Variants in SOX9 observed in about 807,000 individuals in gnomAD.
The protein encoded by SOX9 is transcription factor SOX-9.
SOX9 carries 2 observed loss-of-function variants against 44.8 expected under a neutral mutation model. The observed-to-expected ratio is 0.04, with a 90% CI of 0.02 to 0.14. The LOEUF (loss-of-function observed/expected upper bound fraction) is 0.14. Among genes scored for constraint, SOX9 ranks in the 10% least tolerant of loss-of-function variants. SOX9 has a pLI of 1.00. For missense variants in SOX9, 583 were observed against 728.6 expected (o/e 0.80, Z 2.30); for synonymous variants, 381 against 331.8 (o/e 1.15, Z -1.61).
At position 72,123,267 on chromosome 17, in the gene SOX9, C is replaced by A. The variant is rs1018998420; in HGVS notation, c.686-276C>A. On this transcript the variant is annotated intron_variant, in intron 2 of 2. Transcript: ENST00000245479. This position sits in a 1 kb window ranked among gnomAD's most constrained non-coding sequence, Gnocchi z 6.5. The stretch of plus-strand genomic sequence containing the variant: ...ACCTCTCCCTTCTTCTCTGCTCCCC[C>A]ACCCCAAAAGCACACACAGGGCTCT... Among the ~76,000 whole-genome samples the A allele has an allele frequency of 2.6e-5, 4 of 152,238 alleles. No homozygotes were observed. Among genetic ancestry groups the A allele is most frequent in the African/African-American group, 9.6e-5 (4 of 41,466 alleles).
Position 72,124,475 on chromosome 17 carries a change from A to G in SOX9, c.*88A>G, listed in dbSNP as rs1036728459. On this transcript the variant is annotated 3_prime_UTR_variant, in exon 3 of 3. Coordinates refer to ENST00000245479, the MANE Select transcript of SOX9 (RefSeq NM_000346.4). The surrounding 1 kb of genome is among the most constrained non-coding windows in gnomAD (Gnocchi z 4.6). Reference sequence around the variant, plus strand: ...GGACCAACCAGAATTCCCTTTGGACATTTGTGTTTTTTTGTTTTTTTATTT... The same window carrying G: ...GGACCAACCAGAATTCCCTTTGGACGTTTGTGTTTTTTTGTTTTTTTATTT... 1 of 1,474,066 alleles carries G rather than the reference A, an allele frequency of 6.8e-7. No individual in the cohort carries two copies. The highest frequency in any genetic ancestry group is 9.4e-7 in the Non-Finnish European group (1 of 1,067,320). The allele number at this position is 1,474,066 out of a possible 1,614,324, so 91.3% of individuals were successfully genotyped here.
In SOX9 at chr17:72,121,583, C is replaced by G. The variant is rs1439471812; in HGVS notation, c.192C>G (p.Ser64Arg). 1.2e-6 allele frequency: 2 copies of G among 1,607,380 alleles called. No individual in the cohort carries two copies. The highest frequency in any genetic ancestry group is 1.7e-6 in the Non-Finnish European group (2 of 1,177,260). ...GCGAGCCCGATCTGAAGAAGGAGAGCGAGGAGGACAAGTTCCCCGTGTGCA... is the reference window on the plus strand; with the variant it reads ...GCGAGCCCGATCTGAAGAAGGAGAGGGAGGAGGACAAGTTCCCCGTGTGCA... ...PKGEPDLKKE[S>R]EEDKFPVCIR... is the part of the protein sequence containing the mutation. Residue 64 changes from serine to arginine, a missense_variant, in exon 1 of 3, where the codon AGC becomes AGG. Around this residue, in one of 7 missense-constraint regions of SOX9, gnomAD observed 101 missense variants for 98.6 expected, o/e 1.02. Transcript: ENST00000245479. This position sits in a 1 kb window ranked among gnomAD's most constrained non-coding sequence, Gnocchi z 8.3.
Position 72,121,109 on chromosome 17 carries a change from G to A in SOX9, c.-283G>A. 1.8e-6 allele frequency: 1 copy of A among 549,702 alleles called. No individual in the cohort carries two copies. The highest frequency in any genetic ancestry group is 3.2e-6 in the Non-Finnish European group (1 of 314,574). 34.1% of individuals were successfully genotyped at this position (549,702 alleles called of 1,614,324 possible). ...CAACCCCGGAAACTTTTCTTTGCAG[G>A]AGGAGAAGAGAAGGGGTGCAAGCGC... On this transcript the variant is annotated 5_prime_UTR_variant, in exon 1 of 3. Coordinates refer to ENST00000245479, the MANE Select transcript of SOX9 (RefSeq NM_000346.4). This position sits in a 1 kb window ranked among gnomAD's most constrained non-coding sequence, Gnocchi z 8.3.
chr17:72,123,184 C>A lies in SOX9; in HGVS notation c.685+212C>A, dbSNP rs1284677779. Among the ~76,000 whole-genome samples the A allele has an allele frequency of 6.6e-6, 1 of 152,220 alleles. No homozygotes were observed. The highest frequency in any genetic ancestry group is 2.4e-5 in the African/African-American group (1 of 41,458). ...CACACACACCCCAACTCAATCCCAG[C>A]ATCCGAAGAGATTAACTTTTTTATT... On this transcript the variant is annotated intron_variant, in intron 2 of 2. Coordinates refer to ENST00000245479, the MANE Select transcript of SOX9 (RefSeq NM_000346.4). The surrounding 1 kb of genome is among the most constrained non-coding windows in gnomAD (Gnocchi z 6.5).
In SOX9 at chr17:72,122,773, C is replaced by A. The variant is rs1290444196; in HGVS notation, c.486C>A (p.Arg162=). 6.2e-7 allele frequency: 1 copy of A among 1,614,058 alleles called. No individual in the cohort carries two copies. Among genetic ancestry groups the A allele is most frequent in the Non-Finnish European group, 8.5e-7 (1 of 1,179,982 alleles). ...TCGTGGAGGAGGCGGAGCGGCTGCG[C>A]GTGCAGCACAAGAAGGACCACCCGG... is the stretch of plus-strand genomic sequence containing the variant. ...RPFVEEAERL[R]VQHKKDHPDY... Residue 162 remains arginine (R), a synonymous_variant, in exon 2 of 3, where the codon CGC becomes CGA. Transcript: ENST00000245479.
rs2143236487 is a variant in SOX9, at chr17:72,121,436, G to A, written c.45G>A (p.Glu15=). 1 of 1,612,786 alleles carries A rather than the reference G, an allele frequency of 6.2e-7. No homozygotes were observed. Among genetic ancestry groups the A allele is most frequent in the Non-Finnish European group, 8.5e-7 (1 of 1,179,786 alleles). The change falls in exon 1 of 3, where the codon GAG becomes GAA. Residue 15 remains glutamate (E), a synonymous_variant. Coordinates refer to ENST00000245479, the MANE Select transcript of SOX9 (RefSeq NM_000346.4). The surrounding 1 kb of genome is among the most constrained non-coding windows in gnomAD (Gnocchi z 8.3). The stretch of plus-strand genomic sequence containing the variant: ...TCATGAAGATGACCGACGAGCAGGA[G>A]AAGGGCCTGTCCGGCGCCCCCAGCC... ...DPFMKMTDEQ[E]KGLSGAPSPT... is the part of the protein sequence containing the mutation.
chr17:72,122,029 G>C (rs1027279727), intron 1 of SOX9, among the ~76,000 whole-genome samples: 3 of 152,234 alleles, frequency 2.0e-5, no homozygotes, highest in Non-Finnish European at 4.4e-5. Context: ...CGCGGAGGAG[G>C]GGGGTGGTAA....
Position 72,121,869 on chromosome 17 carries a change from T to C in SOX9, c.431+47T>C, listed in dbSNP as rs2143241727. On this transcript the variant is annotated intron_variant, in intron 1 of 2. Transcript: ENST00000245479. The surrounding 1 kb of genome is among the most constrained non-coding windows in gnomAD (Gnocchi z 8.3). ...GCGGCAGGGTGGGCATCGCGGCGGC[T>C]GGGGGCGCTGGTCAGGGCTGATTTG... 1 of 1,498,338 alleles carries C rather than the reference T, an allele frequency of 6.7e-7. No homozygotes were observed. The highest frequency in any genetic ancestry group is 8.9e-7 in the Non-Finnish European group (1 of 1,124,156). The allele number at this position is 1,498,338 out of a possible 1,614,324, so 92.8% of individuals were successfully genotyped here.
In SOX9 at chr17:72,126,086, CT is replaced by C. The variant is rs878962452; in HGVS notation, c.*1709del. ...ATTGCTTTTTAAAAAAGACAGCAAA[CT>C]TTTTTTTTTATTTAAAAAAAGATAT... is the stretch of plus-strand genomic sequence containing the variant. On this transcript the variant is annotated 3_prime_UTR_variant, in exon 3 of 3. Transcript: ENST00000245479. 1.3e-3 allele frequency: 284 copies of C among 220,604 alleles called. No individual in the cohort carries two copies. The highest frequency in any genetic ancestry group is 3.0e-3 in the East Asian group (45 of 15,194). The allele number at this position is 220,604 out of a possible 1,614,324, so 13.7% of individuals were successfully genotyped here. A position where few individuals can be genotyped will look rare whatever the true frequency, so the allele number is the denominator to read the frequency against.
rs908696800 is a variant in SOX9 at position 72,126,213 on chromosome 17, C to T, written c.*1826C>T. On this transcript the variant is annotated 3_prime_UTR_variant, in exon 3 of 3. Coordinates refer to ENST00000245479, the MANE Select transcript of SOX9 (RefSeq NM_000346.4). ...AGCAGATCTTTTTAAAAAGATACTT[C>T]TGTAACTTAAGAAACCTGGCATTTA... 4.3e-6 allele frequency: 1 copy of T among 232,826 alleles called. No homozygotes were observed. The highest frequency in any genetic ancestry group is 8.5e-6 in the Non-Finnish European group (1 of 117,666). 14.4% of individuals were successfully genotyped at this position (232,826 alleles called of 1,614,324 possible).
chr17:72,123,942 C>T lies in SOX9; in HGVS notation c.1085C>T (p.Pro362Leu), dbSNP rs1908197201. ...APPAPQAPPQ[P>L]QAAPPQQPAA... is the part of the protein sequence containing the mutation. ...CCGGCCCCGCAGGCGCCCCCGCAGCCGCAGGCGGCGCCCCCACAGCAGCCG... is the reference window on the plus strand; with the variant it reads ...CCGGCCCCGCAGGCGCCCCCGCAGCTGCAGGCGGCGCCCCCACAGCAGCCG... The change falls in exon 3 of 3, where the codon CCG becomes CTG. Residue 362 changes from proline (P) to leucine (L), a missense_variant. Coordinates refer to ENST00000245479, the MANE Select transcript of SOX9 (RefSeq NM_000346.4). The surrounding 1 kb of genome is among the most constrained non-coding windows in gnomAD (Gnocchi z 6.5). 2 of 1,339,534 alleles carry T rather than the reference C, an allele frequency of 1.5e-6. No homozygotes were observed. Among genetic ancestry groups the T allele is most frequent in the Non-Finnish European group, 1.9e-6 (2 of 1,051,872 alleles). 83.0% of individuals were successfully genotyped at this position (1,339,534 alleles called of 1,614,324 possible).
In SOX9 at chr17:72,122,897, T is replaced by C. The variant is rs754850647; in HGVS notation, c.610T>C (p.Phe204Leu). ...EQTHISPNAI[F>L]KALQADSPHS... ...GACGCACATCTCCCCCAACGCCATC[T>C]TCAAGGCGCTGCAGGCCGACTCGCC... The change falls in exon 2 of 3, where the codon TTC becomes CTC. Residue 204 changes from phenylalanine to leucine, a missense_variant. Physicochemically the swap from Phe to Leu is conservative, Grantham distance 22 (BLOSUM62 0). Around this residue, in one of 7 missense-constraint regions of SOX9, gnomAD observed 88 missense variants for 65.5 expected, o/e 1.34. Coordinates refer to ENST00000245479, the MANE Select transcript of SOX9 (RefSeq NM_000346.4). The C allele has an allele frequency of 5.0e-6, 8 of 1,613,984 alleles. No individual in the cohort carries two copies. The highest frequency in any genetic ancestry group is 6.8e-6 in the Non-Finnish European group (8 of 1,180,010).
At position 72,121,218 on chromosome 17, in the gene SOX9, AC is replaced by A; in HGVS notation, c.-170del. The A allele has an allele frequency of 1.6e-6, 1 of 629,064 alleles. No homozygotes were observed. The highest frequency in any genetic ancestry group is 1.9e-5 in the South Asian group (1 of 52,112). 39.0% of individuals were successfully genotyped at this position (629,064 alleles called of 1,614,324 possible). On this transcript the variant is annotated 5_prime_UTR_variant, in exon 1 of 3. Coordinates refer to ENST00000245479, the MANE Select transcript of SOX9 (RefSeq NM_000346.4). The surrounding 1 kb of genome is among the most constrained non-coding windows in gnomAD (Gnocchi z 8.3). ...TGGAGCGGGCAGCTGTGAACTGGCC[AC>A]CCCGCGCCTTCCTAAGTGCTCGCCG...
In SOX9 at chr17:72,122,676, C is replaced by T. The variant is rs1346924816; in HGVS notation, c.432-43C>T. On this transcript the variant is annotated intron_variant, in intron 1 of 2. Coordinates refer to ENST00000245479, the MANE Select transcript of SOX9 (RefSeq NM_000346.4). ...ACAGTTTGGCGGATTTCACTGACCC[C>T]TCTCCCTCTTTTTCTCTGTGCCCCC... is the stretch of plus-strand genomic sequence containing the variant. 3.1e-6 allele frequency: 5 copies of T among 1,598,446 alleles called. No homozygotes were observed. In the African/African-American group the frequency reaches 5.4e-5, roughly 17 times the overall value.
rs2143256947 is a variant in SOX9 at position 72,124,192 on chromosome 17, C to T, written c.1335C>T (p.His445=). The change falls in exon 3 of 3, where the codon CAC becomes CAT. Residue 445 remains histidine, a synonymous_variant. Coordinates refer to ENST00000245479, the MANE Select transcript of SOX9 (RefSeq NM_000346.4). This position sits in a 1 kb window ranked among gnomAD's most constrained non-coding sequence, Gnocchi z 4.6. ...ITRSQYDYTD[H]QNSSSYYSHA... is the part of the protein sequence containing the mutation. ...GCTCACAGTACGACTACACCGACCACCAGAACTCCAGCTCCTACTACAGCC... is the reference window on the plus strand; with the variant it reads ...GCTCACAGTACGACTACACCGACCATCAGAACTCCAGCTCCTACTACAGCC... 1 of 1,613,958 alleles carries T rather than the reference C, an allele frequency of 6.2e-7. No individual in the cohort carries two copies. Among genetic ancestry groups the T allele is most frequent in the Non-Finnish European group, 8.5e-7 (1 of 1,180,046 alleles).
Position 72,121,270 on chromosome 17 carries a change from C to G in SOX9, c.-122C>G. ...CGGTAGCCGGCCGACGCGCCAGCTT[C>G]CCCGGGAGCCGCTTGCTCCGCATCC... On this transcript the variant is annotated 5_prime_UTR_variant, in exon 1 of 3. Transcript: ENST00000245479. This position sits in a 1 kb window ranked among gnomAD's most constrained non-coding sequence, Gnocchi z 8.3. 1 of 895,160 alleles carries G rather than the reference C, an allele frequency of 1.1e-6. No homozygotes were observed. The highest frequency in any genetic ancestry group is 1.6e-5 in the South Asian group (1 of 62,386). 55.5% of individuals were successfully genotyped at this position (895,160 alleles called of 1,614,324 possible).
rs1908278216 is a variant in SOX9, at chr17:72,126,176, T to C, written c.*1789T>C. On this transcript the variant is annotated 3_prime_UTR_variant, in exon 3 of 3. Transcript: ENST00000245479. ...GCACTCATAATATGGCATCCTTCAA[T>C]TTCTGTATAAAAGCAGATCTTTTTA... 1 of 232,746 alleles carries C rather than the reference T, an allele frequency of 4.3e-6. No homozygotes were observed. 14.4% of individuals were successfully genotyped at this position (232,746 alleles called of 1,614,324 possible). A position where few individuals can be genotyped will look rare whatever the true frequency, so the allele number is the denominator to read the frequency against.
rs2143251250 is a variant in SOX9 at position 72,123,671 on chromosome 17, G to A, written c.814G>A (p.Asp272Asn). The A allele has an allele frequency of 1.9e-6, 3 of 1,613,386 alleles. No individual in the cohort carries two copies. The highest frequency in any genetic ancestry group is 2.5e-6 in the Non-Finnish European group (3 of 1,179,698). Reference sequence around the variant, plus strand: ...CAGACAGCCCCCTATCGACTTCCGCGACGTGGACATCGGCGAGCTGAGCAG... The same window carrying A: ...CAGACAGCCCCCTATCGACTTCCGCAACGTGGACATCGGCGAGCTGAGCAG... Reference protein sequence around the residue: ...GGRQPPIDFRDVDIGELSSDV... With the variant: ...GGRQPPIDFRNVDIGELSSDV... The change falls in exon 3 of 3, where the codon GAC becomes AAC. Residue 272 changes from aspartate to asparagine, a missense_variant. Transcript: ENST00000245479. This position sits in a 1 kb window ranked among gnomAD's most constrained non-coding sequence, Gnocchi z 6.5.
Position 72,121,043 on chromosome 17 carries a change from AACTG to A in SOX9, c.-344_-341del. On this transcript the variant is annotated 5_prime_UTR_variant, in exon 1 of 3. Coordinates refer to ENST00000245479, the MANE Select transcript of SOX9 (RefSeq NM_000346.4). The surrounding 1 kb of genome is among the most constrained non-coding windows in gnomAD (Gnocchi z 8.3). Reference sequence around the variant, plus strand: ...TTGGAGAGCCGAAAGCGGAGCTCGAAACTGACTGGAAACTTCAGTGGCGCGGAGA... The same window carrying A: ...TTGGAGAGCCGAAAGCGGAGCTCGAAACTGGAAACTTCAGTGGCGCGGAGA... 9.4e-6 allele frequency: 5 copies of A among 534,054 alleles called. No individual in the cohort carries two copies. Among genetic ancestry groups the A allele is most frequent in the Non-Finnish European group, 1.6e-5 (5 of 307,886 alleles). The allele number at this position is 534,054 out of a possible 1,614,324, so 33.1% of individuals were successfully genotyped here. A position where few individuals can be genotyped will look rare whatever the true frequency, so the allele number is the denominator to read the frequency against.
Sources: gnomAD v4.1 joint callset for allele counts (sites outside exome capture counted in the v4.1 genomes callset) on GRCh38, gnomAD v4.1.1 for gene constraint, gnomAD v4.1.1 regional missense constraint, Gnocchi (gnomAD v3.1) non-coding constraint, MANE v1.5 for transcripts, NCBI Gene and HGNC (gene_info 2026-07-23, HGNC 2026-07-21) for gene names.